Variants in NR3C2 observed in about 807,000 individuals in gnomAD.
The protein encoded by NR3C2 is nuclear receptor subfamily 3 group C member 2, also known as mineralocorticoid receptor.
A neutral mutation model predicts 86.4 loss-of-function variants in NR3C2; 15 were observed. That is an observed-to-expected ratio of 0.17 (90% CI 0.12 to 0.27). NR3C2 has a LOEUF of 0.27. Ranked by LOEUF, NR3C2 falls within the 10% of genes least tolerant of loss-of-function variation. The probability of loss-of-function intolerance (pLI) is 1.00; values close to 1 mark genes in which losing one functional copy is unlikely to be tolerated. For synonymous variants in NR3C2, 458 were observed against 450.5 expected (o/e 1.02, Z -0.21); for missense variants, 960 against 1,195.6 (o/e 0.80, Z 2.91).
intron 2 of NR3C2, among the ~76,000 whole-genome samples, chr4:148,340,916 G>A (rs1744718320): frequency 6.6e-6 from 1 of 151,888 alleles, no homozygotes; most frequent in Admixed American, 6.6e-5. Context: ...AAACCACAGT[G>A]AAATATCATC....
At chr4:148,395,286 T>C (rs1004068427) in intron 2 of NR3C2, among the ~76,000 whole-genome samples, 3 of 151,138 alleles carry the variant, frequency 2.0e-5, no homozygotes, top group Non-Finnish European at 4.4e-5. Context: ...GTTACTCTTA[T>C]GGCTTGTGAT....
chr4:148,312,913 G>C (rs1742974179), intron 2 of NR3C2, among the ~76,000 whole-genome samples: 3 of 152,062 alleles, frequency 2.0e-5, no homozygotes, highest in Admixed American at 2.0e-4. Context: ...AAAGAAAAAC[G>C]CTTTTTACTT....
At chr4:148,425,549 G>A (rs1249934829) in intron 2 of NR3C2, among the ~76,000 whole-genome samples, 1 of 152,182 alleles carries the variant, frequency 6.6e-6, no homozygotes, top group African/African-American at 2.4e-5. Flanking sequence ...ACCCCAAAAG[G>A]AAGGGGGCTT....
chr4:148,117,604 T>A (rs1454038558), intron 7 of NR3C2, among the ~76,000 whole-genome samples: 1 of 152,214 alleles, frequency 6.6e-6, no homozygotes, highest in African/African-American at 2.4e-5. Context: ...TTAAATTAGA[T>A]AATATATGGA....
chr4:148,088,755 C>A (rs530625686), intron 8 of NR3C2, among the ~76,000 whole-genome samples: 1 of 152,152 alleles, frequency 6.6e-6, no homozygotes, highest in Non-Finnish European at 1.5e-5. Flanking sequence ...AGGAGAAATA[C>A]CTAATGTAGA....
At chr4:148,423,651 T>A (rs1419776579) in intron 2 of NR3C2, among the ~76,000 whole-genome samples, 1 of 152,266 alleles carries the variant, frequency 6.6e-6, no homozygotes, top group Non-Finnish European at 1.5e-5. Flanking sequence ...CATATTCATT[T>A]TTTTGTTCAC....
At chr4:148,199,598 G>A (rs1736613834) in intron 3 of NR3C2, among the ~76,000 whole-genome samples, 2 of 152,164 alleles carry the variant, frequency 1.3e-5, no homozygotes, top group African/African-American at 4.8e-5. Flanking sequence ...CTGTACCCCT[G>A]CAGACGAGAG....
At chr4:148,374,114 C>T (rs541718910) in intron 2 of NR3C2, among the ~76,000 whole-genome samples, 1 of 152,272 alleles carries the variant, frequency 6.6e-6, no homozygotes, top group South Asian at 2.1e-4. Flanking sequence ...GCCATTTTTA[C>T]TCACATTCTC....
chr4:148,245,637 A>G (rs528407779), intron 3 of NR3C2, among the ~76,000 whole-genome samples: 2 of 152,318 alleles, frequency 1.3e-5, no homozygotes, highest in Admixed American at 1.3e-4. Context: ...TCCTAAAGCT[A>G]TGATTCTGAT....
intron 3 of NR3C2, among the ~76,000 whole-genome samples, chr4:148,241,194 A>T (rs1417445687): frequency 1.3e-4 from 20 of 150,184 alleles, no homozygotes; most frequent in African/African-American, 2.5e-5. Flanking sequence ...TAGTCCCAGC[A>T]ACTCAGGAGG....
At chr4:148,402,542 C>T (rs1255803176) in intron 2 of NR3C2, among the ~76,000 whole-genome samples, 2 of 152,208 alleles carry the variant, frequency 1.3e-5, no homozygotes, top group African/African-American at 4.8e-5. Context: ...GATGAAGAGT[C>T]ACTGGGCTCC....
intron 2 of NR3C2, among the ~76,000 whole-genome samples, chr4:148,420,705 G>A (rs555411936): frequency 3.9e-5 from 6 of 152,282 alleles, no homozygotes; most frequent in African/African-American, 1.4e-4. Context: ...GGAGCCTGGT[G>A]GGAGGGGATT....
intron 2 of NR3C2, among the ~76,000 whole-genome samples, chr4:148,326,395 C>T (rs1166424391): frequency 6.6e-6 from 1 of 151,678 alleles, no homozygotes; most frequent in Non-Finnish European, 1.5e-5. Context: ...AGCGAGACTC[C>T]ATCTCAAATA....
intron 3 of NR3C2, among the ~76,000 whole-genome samples, chr4:148,195,503 A>G (rs1352167814): frequency 6.6e-6 from 1 of 152,254 alleles, no homozygotes; most frequent in African/African-American, 2.4e-5. Flanking sequence ...AGTGATGAAC[A>G]AGACAGACAA....
At chr4:148,303,327 T>C (rs904905074) in intron 2 of NR3C2, among the ~76,000 whole-genome samples, 2 of 152,160 alleles carry the variant, frequency 1.3e-5, no homozygotes, top group Non-Finnish European at 2.9e-5. Flanking sequence ...GGGTAATGTA[T>C]ATATCTGGAT....
chr4:148,396,768 T>C (rs904740937), intron 2 of NR3C2, among the ~76,000 whole-genome samples: 6 of 152,176 alleles, frequency 3.9e-5, no homozygotes, highest in Non-Finnish European at 5.9e-5. Flanking sequence ...AACATTACAC[T>C]CTAATAAACT....
intron 8 of NR3C2, among the ~76,000 whole-genome samples, chr4:148,090,779 C>T (rs575836424): frequency 1.2e-4 from 18 of 152,328 alleles, no homozygotes; most frequent in African/African-American, 3.1e-4. Context: ...CTGGGGTTGG[C>T]ATTTCCCACC....
At chr4:148,314,791 A>T (rs1162313318) in intron 2 of NR3C2, among the ~76,000 whole-genome samples, 1 of 152,198 alleles carries the variant, frequency 6.6e-6, no homozygotes, top group Admixed American at 6.5e-5. Flanking sequence ...CACAGCTGCA[A>T]ATTCTACATC....
chr4:148,356,617 T>C (rs997659919), intron 2 of NR3C2, among the ~76,000 whole-genome samples: 4 of 152,210 alleles, frequency 2.6e-5, no homozygotes, highest in African/African-American at 9.6e-5. Flanking sequence ...CCTATGAAAT[T>C]ATTTTTCACA....
Sources: allele counts gnomAD v4.1 joint callset (sites outside exome capture counted in the v4.1 genomes callset), GRCh38; gene constraint gnomAD v4.1.1; transcripts MANE v1.5; gene names NCBI Gene and HGNC (gene_info 2026-07-23, HGNC 2026-07-21).